Variants in MINDY4 observed in about 807,000 individuals in gnomAD.
MINDY4 encodes MINDY lysine 48 deubiquitinase 4, also known as probable ubiquitin carboxyl-terminal hydrolase MINDY-4.
A neutral mutation model predicts 87.0 loss-of-function variants in MINDY4; 68 were observed. That is an observed-to-expected ratio of 0.78 (90% CI 0.64 to 0.96). The LOEUF (loss-of-function observed/expected upper bound fraction) is 0.96, where lower values mean the gene tolerates loss of function less well. Ranked by LOEUF, MINDY4 falls within the 40% of genes least tolerant of loss-of-function variation. MINDY4 has a pLI of 0.00. For missense variants in MINDY4, 919 were observed against 928.2 expected (o/e 0.99, Z 0.13); for synonymous variants, 379 against 363.2 (o/e 1.04, Z -0.50).
At position 30,875,476 on chromosome 7, in the gene MINDY4, C is replaced by T; in HGVS notation, c.1810-19C>T. On this transcript the variant is annotated intron_variant, in intron 14 of 17. Coordinates refer to ENST00000265299, the MANE Select transcript of MINDY4 (RefSeq NM_032222.3). ...CTGATTCAGACTTGATGAGTCTTTC[C>T]CCTTTCTCTCATCTGCAGGAACTTG... is the stretch of plus-strand genomic sequence containing the variant. 1.2e-6 allele frequency: 2 copies of T among 1,613,852 alleles called. No individual in the cohort carries two copies. The highest frequency in any genetic ancestry group is 1.7e-6 in the Non-Finnish European group (2 of 1,179,800).
intron 15 of MINDY4, among the ~76,000 whole-genome samples, chr7:30,878,129 G>C (rs568115970): frequency 6.6e-6 from 1 of 152,122 alleles, no homozygotes; most frequent in East Asian, 1.9e-4. Flanking sequence ...CCTTGCTCTG[G>C]CCTGGCCTGG....
intron 3 of MINDY4, among the ~76,000 whole-genome samples, chr7:30,783,077 A>G (rs1446572532): frequency 6.6e-6 from 1 of 152,230 alleles, no homozygotes; most frequent in East Asian, 1.9e-4. Context: ...TTATTCTCTT[A>G]CAGTTCTGGA....
intron 9 of MINDY4, among the ~76,000 whole-genome samples, chr7:30,846,121 A>C (rs1264210474): frequency 6.6e-6 from 1 of 152,116 alleles, no homozygotes; most frequent in Non-Finnish European, 1.5e-5. Flanking sequence ...CCAGATAAGG[A>C]GAGGTGCTTG....
At chr7:30,810,174 C>CAAAAAAAAAAAAAAAAAAAAAAAAAAAAA in intron 5 of MINDY4, among the ~76,000 whole-genome samples, 1 of 66,698 alleles carries the variant, frequency 1.5e-5, no homozygotes, top group Non-Finnish European at 2.6e-5. Context: ...GACTCTGTTT[C>CAAAAAAAAAAAAAAAAAAAAAAAAAAAAA]AAAAAAAAAA....
chr7:30,784,994 G>A (rs1445555269), intron 3 of MINDY4, among the ~76,000 whole-genome samples: 2 of 151,914 alleles, frequency 1.3e-5, no homozygotes, highest in African/African-American at 4.8e-5. Context: ...ATTCCCCTTT[G>A]CCTAGGTCTC....
rs779563876 is a variant in MINDY4 at position 30,852,222 on chromosome 7, G to C, written c.1554G>C (p.Ser518=). The part of the protein sequence containing the change: ...GRERAVVALA[S]RTQQFSPTGK... Reference sequence around the variant, plus strand: ...ACCTTCCTTTCCTTTTTAGGGCTTCGAGAACACAGCAGTTCAGTCCAACAG... The same window carrying C: ...ACCTTCCTTTCCTTTTTAGGGCTTCCAGAACACAGCAGTTCAGTCCAACAG... The change falls in exon 11 of 18, where the codon TCG becomes TCC. Residue 518 remains serine (S), a synonymous_variant. Coordinates refer to ENST00000265299, the MANE Select transcript of MINDY4 (RefSeq NM_032222.3). 1.2e-6 allele frequency: 2 copies of C among 1,614,114 alleles called. No homozygotes were observed. Among genetic ancestry groups the C allele is most frequent in the Middle Eastern group, 1.6e-4 (1 of 6,062 alleles).
At chr7:30,795,315 G>A (rs1339425992) in intron 5 of MINDY4, among the ~76,000 whole-genome samples, 1 of 152,210 alleles carries the variant, frequency 6.6e-6, no homozygotes, top group African/African-American at 2.4e-5. Context: ...TGTAACTGTG[G>A]TCATGAATTG....
intron 5 of MINDY4, among the ~76,000 whole-genome samples, chr7:30,822,804 T>G (rs1788381733): frequency 6.6e-6 from 1 of 151,724 alleles, no homozygotes; most frequent in Admixed American, 6.6e-5. Context: ...CTTGGCTAAT[T>G]TTTGAATTTT....
chr7:30,890,547 A>G (rs189782037), intron 17 of MINDY4, among the ~76,000 whole-genome samples: 1 of 152,386 alleles, frequency 6.6e-6, no homozygotes, highest in East Asian at 1.9e-4. Flanking sequence ...GGGAAATGGA[A>G]TGGTGTAAAG....
intron 9 of MINDY4, among the ~76,000 whole-genome samples, chr7:30,845,021 G>A (rs1177376238): frequency 1.3e-5 from 2 of 152,170 alleles, no homozygotes; most frequent in East Asian, 1.9e-4. Context: ...GGTCACATCT[G>A]GCATCCCTGG....
intron 5 of MINDY4, among the ~76,000 whole-genome samples, chr7:30,813,196 T>C (rs1788053492): frequency 6.6e-6 from 1 of 152,220 alleles, no homozygotes; most frequent in South Asian, 2.1e-4. Flanking sequence ...GTCAGAGGGC[T>C]TCATTCCGCC....
At chr7:30,825,034 G>A (rs532188428) in intron 5 of MINDY4, among the ~76,000 whole-genome samples, 3 of 152,280 alleles carry the variant, frequency 2.0e-5, no homozygotes, top group South Asian at 2.1e-4. Context: ...GCAGAGGGTC[G>A]AGCCGAGTTC....
chr7:30,785,831 G>C lies in MINDY4; in HGVS notation c.502G>C (p.Val168Leu). Residue 168 changes from valine (V) to leucine (L), a missense_variant, in exon 4 of 18, where the codon GTC (valine) becomes CTC (leucine). Coordinates refer to ENST00000265299, the MANE Select transcript of MINDY4 (RefSeq NM_032222.3). ...GCACAAAAGTAAGCCCATGCAGACGGTCCCGGGTGAAACTCCTGTGTTGAC... is the reference window on the plus strand; with the variant it reads ...GCACAAAAGTAAGCCCATGCAGACGCTCCCGGGTGAAACTCCTGTGTTGAC... Reference protein sequence around the residue: ...PPHKSKPMQTVPGETPVLTSA... With the variant: ...PPHKSKPMQTLPGETPVLTSA... 2.5e-6 allele frequency: 4 copies of C among 1,614,198 alleles called. No homozygotes were observed. The highest frequency in any genetic ancestry group is 3.4e-6 in the Non-Finnish European group (4 of 1,180,046).
At chr7:30,859,538 G>A (rs992502912) in intron 13 of MINDY4, among the ~76,000 whole-genome samples, 1 of 152,242 alleles carries the variant, frequency 6.6e-6, no homozygotes. Context: ...GCTACCATGT[G>A]TGTGGTGGAC....
chr7:30,877,077 C>T (rs147199665), intron 15 of MINDY4, among the ~76,000 whole-genome samples: 261 of 152,158 alleles, frequency 1.7e-3, no homozygotes, highest in African/African-American at 5.8e-3. Flanking sequence ...CAAAGACTTG[C>T]GGGAAAAAAG....
rs769384912 is a variant in MINDY4, at chr7:30,882,297, G to T, written c.2088G>T (p.Arg696Ser). The T allele has an allele frequency of 2.0e-5, 33 of 1,613,756 alleles. No homozygotes were observed. Among genetic ancestry groups the T allele is most frequent in the Non-Finnish European group, 2.8e-5 (33 of 1,179,844 alleles). ...TCCTGCGTGACTGGAGGACTGAGAG[G>T]CTCTTTGACTTGTACTACTACGATG... is the stretch of plus-strand genomic sequence containing the variant. ...PGLLRDWRTE[R>S]LFDLYYYDGL... is the part of the protein sequence containing the mutation. Residue 696 changes from arginine (R) to serine (S), a missense_variant, in exon 16 of 18, where the codon AGG becomes AGT. Coordinates refer to ENST00000265299, the MANE Select transcript of MINDY4 (RefSeq NM_032222.3).
chr7:30,806,350 C>G (rs1787804494), intron 5 of MINDY4, among the ~76,000 whole-genome samples: 1 of 152,128 alleles, frequency 6.6e-6, no homozygotes, highest in Non-Finnish European at 1.5e-5. Flanking sequence ...AACTTTTTAG[C>G]CTCTTTTAAC....
At chr7:30,828,020 GA>G (rs1584283944) in intron 5 of MINDY4, among the ~76,000 whole-genome samples, 1 of 152,136 alleles carries the variant, frequency 6.6e-6, no homozygotes. Flanking sequence ...CTGGAGAACA[GA>G]AAAATCTAAA....
intron 13 of MINDY4, among the ~76,000 whole-genome samples, chr7:30,860,188 GGGTGA>G (rs1315408625): frequency 1.6e-4 from 25 of 152,290 alleles, no homozygotes; most frequent in African/African-American, 5.8e-4. Context: ...TGGGGAGGCA[GGGTGA>G]GTAGCCTTGT....
Sources: allele counts gnomAD v4.1 joint callset (sites outside exome capture counted in the v4.1 genomes callset), GRCh38; gene constraint gnomAD v4.1.1; transcripts MANE v1.5; gene names NCBI Gene and HGNC (gene_info 2026-07-23, HGNC 2026-07-21).